KLF12: variants seen among roughly 807,000 people sequenced by gnomAD.
The protein encoded by KLF12 is Krueppel-like factor 12.
Under a neutral mutation model 37.8 loss-of-function variants are expected in KLF12, and 9 were observed. The ratio of observed to expected loss-of-function variants is 0.24; its 90% CI spans 0.14 to 0.42. The LOEUF is 0.42. Ranked by LOEUF, KLF12 falls within the 10% of genes least tolerant of loss-of-function variation. The pLI, the probability that KLF12 is intolerant of heterozygous loss-of-function variation, is 1.00. For synonymous variants in KLF12, 208 were observed against 202.1 expected, an observed-to-expected ratio of 1.03 and a Z score of -0.25; for missense variants, 411 against 516.0, an observed-to-expected ratio of 0.80 and a Z score of 1.97.
At chr13:74,023,413 G>A (rs1162770815) in intron 1 of KLF12, among the ~76,000 whole-genome samples, 1 of 152,184 alleles carries the variant, frequency 6.6e-6, no homozygotes, top group Non-Finnish European at 1.5e-5. Flanking sequence ...ATGCCAGGTG[G>A]CTTTTAAGAA....
chr13:73,765,105 T>C (rs1879825970), intron 5 of KLF12, 105 bp from the exon 6 acceptor site: 1 of 663,740 alleles, frequency 1.5e-6, no homozygotes, highest in Non-Finnish European at 2.6e-6. Context: ...AATTGCTTAA[T>C]ACAAAATCCC....
intron 1 of KLF12, among the ~76,000 whole-genome samples, chr13:74,002,321 A>ACT (rs1177394205): frequency 2.0e-5 from 3 of 152,362 alleles, no homozygotes; most frequent in African/African-American, 7.2e-5. Flanking sequence ...CCCAGAAAAT[A>ACT]AAAGTAACAT....
chr13:74,183,173 T>C, the KLF12 span, among the ~76,000 whole-genome samples: 3 of 152,190 alleles, frequency 2.0e-5, no homozygotes, highest in Admixed American at 1.3e-4. Context: ...TACCTACTCT[T>C]TGCTTGGTGC....
At chr13:74,103,725 G>T (rs1225057406) in intron 1 of KLF12, among the ~76,000 whole-genome samples, 3 of 152,112 alleles carry the variant, frequency 2.0e-5, no homozygotes, top group Admixed American at 6.5e-5. Context: ...ACAACTTCCA[G>T]GTCACTATGA....
At chr13:73,859,740 C>T (rs576347767) in intron 3 of KLF12, among the ~76,000 whole-genome samples, 1 of 151,858 alleles carries the variant, frequency 6.6e-6, no homozygotes, top group African/African-American at 2.4e-5. Flanking sequence ...TAGAATCCTG[C>T]ATTTTGTGCA....
chr13:74,241,829 C>T, the KLF12 span, among the ~76,000 whole-genome samples: 1 of 152,164 alleles, frequency 6.6e-6, no homozygotes, highest in African/African-American at 2.4e-5. Context: ...CACCCACTGA[C>T]CTGCGCCCAC....
chr13:73,743,148 A>G (rs907726805), intron 6 of KLF12, among the ~76,000 whole-genome samples: 2 of 152,246 alleles, frequency 1.3e-5, no homozygotes. Flanking sequence ...TGAAAGCAGC[A>G]TGTAACATAT....
intron 1 of KLF12, among the ~76,000 whole-genome samples, chr13:74,021,931 G>C (rs1892850911): frequency 6.6e-6 from 1 of 152,116 alleles, no homozygotes; most frequent in South Asian, 2.1e-4. Context: ...CCAATGATGA[G>C]GTCTCCCTAA....
chr13:73,773,720 G>C (rs1488657280), intron 5 of KLF12, among the ~76,000 whole-genome samples: 1 of 152,016 alleles, frequency 6.6e-6, no homozygotes, highest in Non-Finnish European at 1.5e-5. Flanking sequence ...TGCTTTTGAA[G>C]TTGACCCAAA....
At chr13:73,785,384 G>A (rs1425012986) in intron 5 of KLF12, among the ~76,000 whole-genome samples, 1 of 152,110 alleles carries the variant, frequency 6.6e-6, no homozygotes, top group African/African-American at 2.4e-5. Flanking sequence ...AAAGTGCTGG[G>A]ATTACAGGAA....
At chr13:74,256,673 A>G in the KLF12 span, among the ~76,000 whole-genome samples, 1 of 144,474 alleles carries the variant, frequency 6.9e-6, no homozygotes, top group African/African-American at 2.6e-5. Flanking sequence ...ATTAGTGGAA[A>G]ACTCTGAGTA....
intron 2 of KLF12, among the ~76,000 whole-genome samples, chr13:73,979,187 G>A (rs538920126): frequency 6.6e-6 from 1 of 152,236 alleles, no homozygotes; most frequent in South Asian, 2.1e-4. Context: ...GATACCTCAA[G>A]GTAGGTTACT....
At chr13:73,829,066 C>T (rs1376995174) in intron 4 of KLF12, among the ~76,000 whole-genome samples, 1 of 152,156 alleles carries the variant, frequency 6.6e-6, no homozygotes, top group African/African-American at 2.4e-5. Context: ...CCTCTGTGAG[C>T]CTGGGTTCAC....
At chr13:73,859,672 G>A (rs1885814176) in intron 3 of KLF12, among the ~76,000 whole-genome samples, 1 of 152,126 alleles carries the variant, frequency 6.6e-6, no homozygotes, top group Non-Finnish European at 1.5e-5. Context: ...GTTCCCGTTT[G>A]TTCTCAAGTC....
chr13:74,034,525 T>A (rs1280908751), intron 1 of KLF12, among the ~76,000 whole-genome samples: 1 of 152,252 alleles, frequency 6.6e-6, no homozygotes, highest in Non-Finnish European at 1.5e-5. Context: ...AGTTCGCCAT[T>A]TAAACTGACA....
At chr13:74,255,135 A>C in the KLF12 span, among the ~76,000 whole-genome samples, 1 of 152,246 alleles carries the variant, frequency 6.6e-6, no homozygotes, top group Non-Finnish European at 1.5e-5. Flanking sequence ...TCTGTAACAG[A>C]TATTTAGTAA....
At chr13:74,305,043 T>C in the KLF12 span, among the ~76,000 whole-genome samples, 1 of 152,178 alleles carries the variant, frequency 6.6e-6, no homozygotes, top group South Asian at 2.1e-4. Context: ...TAGCTGGTAA[T>C]GCATAATTAA....
At chr13:73,787,323 T>A (rs1412237947) in intron 5 of KLF12, among the ~76,000 whole-genome samples, 1 of 152,186 alleles carries the variant, frequency 6.6e-6, no homozygotes, top group Non-Finnish European at 1.5e-5. Flanking sequence ...TAAGATGTTA[T>A]ATAGCTTGTC....
At chr13:74,112,433 G>A (rs970827697) in intron 1 of KLF12, among the ~76,000 whole-genome samples, 5 of 147,928 alleles carry the variant, frequency 3.4e-5, no homozygotes, top group African/African-American at 1.2e-4. Flanking sequence ...GTTTTGATTT[G>A]TTTTTTTACA....
Sources: allele counts gnomAD v4.1 joint callset (sites outside exome capture counted in the v4.1 genomes callset), GRCh38; gene constraint gnomAD v4.1.1; transcripts MANE v1.5; gene names NCBI Gene and HGNC (gene_info 2026-07-23, HGNC 2026-07-21).